LGR6: variants seen among roughly 807,000 people sequenced by gnomAD.
LGR6 encodes leucine rich repeat containing G protein-coupled receptor 6.
In LGR6, 45 loss-of-function variants were observed where a neutral mutation model predicts 69.4. The ratio of observed to expected loss-of-function variants is 0.65; its 90% confidence interval spans 0.51 to 0.83. LGR6 has a LOEUF of 0.83. Ranked by LOEUF, LGR6 falls within the 40% of genes least tolerant of loss-of-function variation. The probability of loss-of-function intolerance (pLI) is 0.00; values close to 1 mark genes in which losing one functional copy is unlikely to be tolerated. For missense variants in LGR6, 1,108 were observed against 1,246.7 expected, an observed-to-expected ratio of 0.89 and a Z score of 1.68; for synonymous variants, 538 against 555.0, an observed-to-expected ratio of 0.97 and a Z score of 0.43.
At chr1:202,259,622 A>G (rs1377671240) in intron 4 of LGR6, among the ~76,000 whole-genome samples, 1 of 152,090 alleles carries the variant, frequency 6.6e-6, no homozygotes, top group African/African-American at 2.4e-5. Context: ...ATCATGTTTT[A>G]TACTTTTTAA....
rs758170595 is a variant in LGR6 at position 202,318,292 on chromosome 1, C to T, written c.1989C>T (p.Ala663=). Residue 663 remains alanine (A), a synonymous_variant, in exon 18 of 18, where the codon GCC becomes GCT. Coordinates refer to ENST00000367278, the MANE Select transcript of LGR6 (RefSeq NM_001017403.2). The part of the protein sequence containing the change: ...SEASVLLLTL[A]AVQCSVSVSC... ...CATCGGTGCTGCTGCTCACTCTGGC[C>T]GCAGTGCAGTGCAGCGTCTCCGTCT... The T allele has an allele frequency of 2.6e-5, 42 of 1,600,290 alleles. No individual in the cohort carries two copies. The East Asian group carries it at 3.8e-4, about 15-fold the overall frequency.
chr1:202,252,952 A>G (rs2148067229), intron 4 of LGR6, among the ~76,000 whole-genome samples: 1 of 152,284 alleles, frequency 6.6e-6, no homozygotes, highest in African/African-American at 2.4e-5. Context: ...CACACTCCTT[A>G]ATTGAGGGCT....
Position 202,319,536 on chromosome 1 carries a change from C to A in LGR6, c.*329C>A. On this transcript the variant is annotated 3_prime_UTR_variant, in exon 18 of 18. Transcript: ENST00000367278. ...GACAGTGAAGGGGTGGAGGGTTGAT[C>A]AGGGCACAGTGGACAGGGAGACCTC... is the stretch of plus-strand genomic sequence containing the variant. 3.6e-6 allele frequency: 1 copy of A among 276,256 alleles called. No homozygotes were observed. The highest frequency in any genetic ancestry group is 6.8e-6 in the Non-Finnish European group (1 of 147,056). 17.1% of individuals were successfully genotyped at this position (276,256 alleles called of 1,614,324 possible).
At chr1:202,226,757 A>G (rs1355068877) in intron 2 of LGR6, among the ~76,000 whole-genome samples, 1 of 152,228 alleles carries the variant, frequency 6.6e-6, no homozygotes, top group Non-Finnish European at 1.5e-5. Flanking sequence ...TCAGGCACCC[A>G]GGGCATTCTG....
At chr1:202,254,100 C>T (rs1043559361) in intron 4 of LGR6, among the ~76,000 whole-genome samples, 2 of 152,062 alleles carry the variant, frequency 1.3e-5, no homozygotes, top group African/African-American at 4.8e-5. Flanking sequence ...CCACCGCGCC[C>T]GGCCTCTGGC....
chr1:202,304,131 C>G (rs1355184299), intron 10 of LGR6, among the ~76,000 whole-genome samples: 1 of 152,186 alleles, frequency 6.6e-6, no homozygotes, highest in Non-Finnish European at 1.5e-5. Flanking sequence ...AAACTCTGTG[C>G]CTGTGTCCCA....
intron 6 of LGR6, among the ~76,000 whole-genome samples, chr1:202,289,043 C>T (rs1019792492): frequency 6.6e-5 from 10 of 152,132 alleles, no homozygotes; most frequent in African/African-American, 2.4e-4. Context: ...CAAAGGCTCT[C>T]CTGGGGAGGG....
intron 6 of LGR6, among the ~76,000 whole-genome samples, chr1:202,289,077 A>C (rs1666606169): frequency 2.0e-5 from 3 of 152,168 alleles, no homozygotes. Flanking sequence ...AAGTGTCACA[A>C]AATGTGATTC....
Position 202,300,884 on chromosome 1 carries a change from A to AAAAGGCCTTCATGG in LGR6, c.822_835dup (p.Gly279GlufsTer39), listed in dbSNP as rs1432636141. On this transcript the variant is annotated frameshift_variant, in exon 8 of 18. Coordinates refer to ENST00000367278, the MANE Select transcript of LGR6 (RefSeq NM_001017403.2). LOFTEE classifies it high-confidence loss of function. Reference sequence around the variant, plus strand: ...AACAACAACATCAAGGCCATCCCAGAAAAGGCCTTCATGGGGAACCCTCTG... The same window carrying AAAAGGCCTTCATGG: ...AACAACAACATCAAGGCCATCCCAGAAAAGGCCTTCATGGAAAGGCCTTCATGGGGAACCCTCTG... 6.2e-7 allele frequency: 1 copy of AAAAGGCCTTCATGG among 1,612,340 alleles called. No individual in the cohort carries two copies. Among genetic ancestry groups the AAAAGGCCTTCATGG allele is most frequent in the Non-Finnish European group, 8.5e-7 (1 of 1,179,296 alleles).
At chr1:202,315,312 C>T (rs1654060578) in intron 17 of LGR6, among the ~76,000 whole-genome samples, 1 of 152,146 alleles carries the variant, frequency 6.6e-6, no homozygotes, top group African/African-American at 2.4e-5. Context: ...CTGCTCCATC[C>T]CAGGAAGATT....
chr1:202,289,091 G>T (rs1329425035), intron 6 of LGR6, among the ~76,000 whole-genome samples: 1 of 152,190 alleles, frequency 6.6e-6, no homozygotes, highest in African/African-American at 2.4e-5. Context: ...GTGATTCAAA[G>T]AACTGAAGAC....
intron 1 of LGR6, among the ~76,000 whole-genome samples, chr1:202,203,019 G>T (rs1168258360): frequency 6.6e-6 from 1 of 152,058 alleles, no homozygotes; most frequent in Non-Finnish European, 1.5e-5. Flanking sequence ...AGGAGCAGAG[G>T]AGCAGTGCGG....
At chr1:202,196,207 C>A (rs1007352017) in intron 1 of LGR6, among the ~76,000 whole-genome samples, 10 of 152,122 alleles carry the variant, frequency 6.6e-5, no homozygotes, top group African/African-American at 2.4e-4. Flanking sequence ...ACCGTGTCCC[C>A]TGCCCTGGGC....
chr1:202,305,601 G>T, intron 11 of LGR6, 83 bp from the exon 12 acceptor site: 1 of 1,201,074 alleles, frequency 8.3e-7, no homozygotes, highest in Non-Finnish European at 1.2e-6. Flanking sequence ...GGAAAGCACA[G>T]TCCTGGCTAG....
chr1:202,290,766 A>G (rs1666738294), intron 6 of LGR6, among the ~76,000 whole-genome samples: 1 of 152,210 alleles, frequency 6.6e-6, no homozygotes, highest in African/African-American at 2.4e-5. Context: ...TGGGAGGCTG[A>G]GGCAGGAGAA....
chr1:202,317,670 A>T (rs1405394549), intron 17 of LGR6, among the ~76,000 whole-genome samples: 1 of 152,102 alleles, frequency 6.6e-6, no homozygotes, highest in African/African-American at 2.4e-5. Context: ...GTTCTGGTGT[A>T]TTGAGAGGAG....
intron 6 of LGR6, among the ~76,000 whole-genome samples, chr1:202,294,686 C>A (rs1667022945): frequency 6.6e-6 from 1 of 152,186 alleles, no homozygotes; most frequent in Non-Finnish European, 1.5e-5. Context: ...GATTAGGGAC[C>A]AAGTCACACT....
rs145083928 is a variant in LGR6, at chr1:202,290,065, A to T, written c.717-7443A>T. ...ATGCTGACTTTTGTAGTATCTAAAG[A>T]ATGAAAGTGTCTGTTCTAGTAGCTT... On this transcript the variant is annotated intron_variant, in intron 6 of 17. Coordinates refer to ENST00000367278, the MANE Select transcript of LGR6 (RefSeq NM_001017403.2). 7.0e-4 allele frequency among the ~76,000 whole-genome samples: 106 copies of T among 152,350 alleles called. No homozygotes were observed. The South Asian group carries it at 0.012, about 18-fold the overall frequency.
intron 4 of LGR6, among the ~76,000 whole-genome samples, chr1:202,251,874 G>A (rs1663281348): frequency 8.4e-6 from 1 of 119,280 alleles, no homozygotes; most frequent in African/African-American, 2.5e-5. Flanking sequence ...GAGAGGGAAA[G>A]GGGAAAGAGA....
Sources: allele counts gnomAD v4.1 joint callset (sites outside exome capture counted in the v4.1 genomes callset), GRCh38; gene constraint gnomAD v4.1.1; transcripts MANE v1.5; gene names NCBI Gene and HGNC (gene_info 2026-07-23, HGNC 2026-07-21).